The following SPECC1L variants were observed in gnomAD, a reference collection of about 807,000 sequenced individuals.
SPECC1L encodes sperm antigen with calponin homology and coiled-coil domains 1 like.
Under a neutral mutation model 116.8 loss-of-function variants are expected in SPECC1L, and 40 were observed. That is an observed-to-expected ratio of 0.34 (90% CI 0.27 to 0.45). The LOEUF is 0.45. Among genes scored for constraint, SPECC1L ranks in the 20% least tolerant of loss-of-function variants. The probability of loss-of-function intolerance (pLI) is 1.00; values close to 1 mark genes in which losing one functional copy is unlikely to be tolerated. For synonymous variants in SPECC1L, 504 were observed against 500.6 expected (o/e 1.01, Z -0.09); for missense variants, 1,110 against 1,373.6 (o/e 0.81, Z 3.03).
intron 14 of SPECC1L, among the ~76,000 whole-genome samples, chr22:24,409,481 ATATTT>A (rs2042651606): frequency 6.6e-6 from 1 of 152,164 alleles, no homozygotes; most frequent in Non-Finnish European, 1.5e-5. Flanking sequence ...GAATTGCAGA[ATATTT>A]TATATGATAA....
intron 14 of SPECC1L, among the ~76,000 whole-genome samples, chr22:24,402,716 A>G (rs2042504756): frequency 6.6e-6 from 1 of 152,210 alleles, no homozygotes; most frequent in Non-Finnish European, 1.5e-5. Context: ...GTCAGCAGAG[A>G]GATGAATCAG....
chr22:24,314,667 A>C (rs1406018379), intron 4 of SPECC1L, among the ~76,000 whole-genome samples: 1 of 151,986 alleles, frequency 6.6e-6, no homozygotes, highest in Non-Finnish European at 1.5e-5. Context: ...ATATCGTAAT[A>C]CCCCCATGAT....
At chr22:24,299,281 A>T (rs936821965) in intron 2 of SPECC1L, among the ~76,000 whole-genome samples, 19 of 152,170 alleles carry the variant, frequency 1.2e-4, no homozygotes, top group Non-Finnish European at 2.4e-4. Context: ...ATAGTTTTTA[A>T]AGAACGGGGG....
chr22:24,343,833 A>G (rs1335792602), intron 10 of SPECC1L, among the ~76,000 whole-genome samples: 1 of 152,176 alleles, frequency 6.6e-6, no homozygotes, highest in African/African-American at 2.4e-5. Context: ...AAAATTATTT[A>G]GGCAAACAAA....
intron 14 of SPECC1L, among the ~76,000 whole-genome samples, chr22:24,410,774 G>C (rs1240779405): frequency 2.6e-5 from 4 of 152,274 alleles, no homozygotes; most frequent in East Asian, 1.9e-4. Flanking sequence ...ACAGTGAAAA[G>C]GGCAGAAGGT....
intron 14 of SPECC1L, among the ~76,000 whole-genome samples, chr22:24,404,188 C>A (rs1230687875): frequency 6.6e-6 from 1 of 152,192 alleles, no homozygotes; most frequent in Non-Finnish European, 1.5e-5. Context: ...AGGCTGTTCT[C>A]CTCAGCATGG....
At chr22:24,317,869 C>G (rs2040630922) in intron 4 of SPECC1L, among the ~76,000 whole-genome samples, 1 of 151,866 alleles carries the variant, frequency 6.6e-6, no homozygotes, top group African/African-American at 2.4e-5. Context: ...AGAGACGCTC[C>G]TCACATCCCG....
At chr22:24,271,628 T>G (rs1178978265) in intron 1 of SPECC1L, among the ~76,000 whole-genome samples, 5 of 152,254 alleles carry the variant, frequency 3.3e-5, no homozygotes, top group African/African-American at 1.2e-4. Flanking sequence ...TAGTTAAGTC[T>G]AAGACATCAT....
intron 14 of SPECC1L, among the ~76,000 whole-genome samples, chr22:24,375,109 A>G (rs1234762801): frequency 1.3e-5 from 2 of 152,192 alleles, no homozygotes; most frequent in Admixed American, 6.5e-5. Context: ...TAGAAACATT[A>G]ACTATCAAAA....
intron 10 of SPECC1L, among the ~76,000 whole-genome samples, chr22:24,341,695 G>T (rs1418157064): frequency 6.6e-6 from 1 of 152,202 alleles, no homozygotes; most frequent in East Asian, 1.9e-4. Flanking sequence ...TGCTTCCAGT[G>T]AATATGGCAA....
At chr22:24,333,367 A>G (rs1386185911) in intron 8 of SPECC1L, among the ~76,000 whole-genome samples, 1 of 152,210 alleles carries the variant, frequency 6.6e-6, no homozygotes, top group South Asian at 2.1e-4. Context: ...ATTTTTATTC[A>G]CATACTTGAT....
At position 24,414,550 on chromosome 22, in the gene SPECC1L, T is replaced by C; in HGVS notation, c.3281T>C (p.Val1094Ala). 1 of 1,613,980 alleles carries C rather than the reference T, an allele frequency of 6.2e-7. No homozygotes were observed. The highest frequency in any genetic ancestry group is 8.5e-7 in the Non-Finnish European group (1 of 1,179,972). The change falls in exon 17 of 17, where the codon GTA becomes GCA. Residue 1094 changes from valine to alanine, a missense_variant. Physicochemically the swap from Val to Ala is moderately conservative, Grantham distance 64. Coordinates refer to ENST00000314328, the MANE Select transcript of SPECC1L (RefSeq NM_015330.6). Reference sequence around the variant, plus strand: ...GTCTGTCAGGACATTAATGAAATGGTACGGACTGAACGACCCGACTGGCAG... The same window carrying C: ...GTCTGTCAGGACATTAATGAAATGGCACGGACTGAACGACCCGACTGGCAG... ...IKSTLDINEM[V>A]RTERPDWQNV... is the part of the protein sequence containing the mutation.
chr22:24,326,652 T>C (rs56789238), intron 6 of SPECC1L, among the ~76,000 whole-genome samples: 6,152 of 152,302 alleles, frequency 0.04, 411 homozygotes, highest in African/African-American at 0.14. Context: ...ATGAAGATTA[T>C]ATCTTTCCTT....
intron 1 of SPECC1L, among the ~76,000 whole-genome samples, chr22:24,275,576 A>G (rs1464789414): frequency 2.3e-5 from 3 of 129,026 alleles, no homozygotes; most frequent in Non-Finnish European, 4.9e-5. Flanking sequence ...TTTGAGTTTG[A>G]TGTGTTTGGA....
At position 24,321,675 on chromosome 22, in the gene SPECC1L, T is replaced by A; in HGVS notation, c.695T>A (p.Met232Lys). The change falls in exon 5 of 17, where the codon ATG becomes AAG. Residue 232 changes from methionine (M) to lysine (K), a missense_variant. Transcript: ENST00000314328. ...GAAAAATCTGAGAAGGAAACTATTA[T>A]GGCTCACCAGCCGACTGATGTGGAG... ...GDEKSEKETI[M>K]AHQPTDVEST... The A allele has an allele frequency of 6.2e-7, 1 of 1,614,256 alleles. No individual in the cohort carries two copies. The highest frequency in any genetic ancestry group is 8.5e-7 in the Non-Finnish European group (1 of 1,180,036).
chr22:24,415,892 G>C lies in SPECC1L; in HGVS notation c.*1269G>C, dbSNP rs540787120. 3 of 152,354 alleles carry C rather than the reference G, an allele frequency of 2.0e-5. No homozygotes were observed. The South Asian group carries it at 6.2e-4, about 32-fold the overall frequency. 9.4% of individuals were successfully genotyped at this position (152,354 alleles called of 1,614,324 possible). On this transcript the variant is annotated 3_prime_UTR_variant, in exon 17 of 17. Coordinates refer to ENST00000314328, the MANE Select transcript of SPECC1L (RefSeq NM_015330.6). Reference sequence around the variant, plus strand: ...AGGCCAGAACTCAACAGCTATTTTTGGGAATAGGGATCTCCCGTGTGCCTA... The same window carrying C: ...AGGCCAGAACTCAACAGCTATTTTTCGGAATAGGGATCTCCCGTGTGCCTA...
At chr22:24,363,921 G>A (rs1347042802) in intron 12 of SPECC1L, among the ~76,000 whole-genome samples, 1 of 148,570 alleles carries the variant, frequency 6.7e-6, no homozygotes, top group Non-Finnish European at 1.5e-5. Context: ...TGGGCGGTGG[G>A]GGTGGGGGTG....
intron 14 of SPECC1L, among the ~76,000 whole-genome samples, chr22:24,369,552 A>C (rs1197770030): frequency 6.6e-6 from 1 of 151,996 alleles, no homozygotes; most frequent in Non-Finnish European, 1.5e-5. Context: ...AAATAATAAT[A>C]AGCTGGCATG....
chr22:24,353,461 G>GT (rs1037345360), intron 11 of SPECC1L, among the ~76,000 whole-genome samples: 1 of 151,938 alleles, frequency 6.6e-6, no homozygotes, highest in African/African-American at 2.4e-5. Context: ...TGTTTTTTGA[G>GT]TTTTTTGAGA....
Sources: allele counts gnomAD v4.1 joint callset (sites outside exome capture counted in the v4.1 genomes callset), GRCh38; gene constraint gnomAD v4.1.1; transcripts MANE v1.5; gene names NCBI Gene and HGNC (gene_info 2026-07-23, HGNC 2026-07-21).